GUCY1A2: variants seen among roughly 807,000 people sequenced by gnomAD.
GUCY1A2 encodes the protein guanylate cyclase soluble subunit alpha-2.
A neutral mutation model predicts 63.5 loss-of-function variants in GUCY1A2; 27 were observed. The ratio of observed to expected loss-of-function variants is 0.43; its 90% CI spans 0.31 to 0.59. The LOEUF is 0.59. GUCY1A2 is among the 20% of genes least tolerant of loss of function. The pLI is 0.11. For missense variants in GUCY1A2, 768 were observed against 913.3 expected, an observed-to-expected ratio of 0.84 and a Z score of 2.05; for synonymous variants, 364 against 343.5, an observed-to-expected ratio of 1.06 and a Z score of -0.66.
intron 5 of GUCY1A2, among the ~76,000 whole-genome samples, chr11:106,791,609 A>G (rs1864661784): frequency 6.6e-6 from 1 of 152,182 alleles, no homozygotes; most frequent in African/African-American, 2.4e-5. Flanking sequence ...AAAGGAGACC[A>G]TCTTAACCCA....
At chr11:106,700,372 G>T (rs1862798258) in intron 7 of GUCY1A2, among the ~76,000 whole-genome samples, 2 of 152,104 alleles carry the variant, frequency 1.3e-5, no homozygotes, top group Non-Finnish European at 2.9e-5. Flanking sequence ...GAAGGCATCA[G>T]ATTCCTGATC....
At chr11:106,930,291 A>G (rs534734957) in intron 4 of GUCY1A2, among the ~76,000 whole-genome samples, 10 of 152,368 alleles carry the variant, frequency 6.6e-5, no homozygotes, top group Admixed American at 5.2e-4. Context: ...CAGCTAGTAA[A>G]TAACAGTCTG....
intron 4 of GUCY1A2, among the ~76,000 whole-genome samples, chr11:106,916,071 G>A (rs984493566): frequency 6.9e-6 from 1 of 145,714 alleles, no homozygotes; most frequent in Admixed American, 6.8e-5. Flanking sequence ...ACTAATTTGT[G>A]ACTCTGATTA....
intron 4 of GUCY1A2, among the ~76,000 whole-genome samples, chr11:106,935,874 T>TA (rs540262693): frequency 8.1e-5 from 12 of 148,488 alleles, no homozygotes; most frequent in Admixed American, 2.0e-4. Context: ...AAAAAAAAAT[T>TA]AAAAAAAAAA....
chr11:106,825,964 T>C (rs977103250), intron 4 of GUCY1A2, among the ~76,000 whole-genome samples: 4 of 152,126 alleles, frequency 2.6e-5, no homozygotes, highest in Non-Finnish European at 4.4e-5. Flanking sequence ...AAACGAGATA[T>C]TGCTACATCT....
chr11:107,015,321 A>C (rs888929000), intron 1 of GUCY1A2, among the ~76,000 whole-genome samples: 1 of 152,162 alleles, frequency 6.6e-6, no homozygotes, highest in Non-Finnish European at 1.5e-5. Flanking sequence ...TAAATTGCTT[A>C]TTCTGAAAAC....
At chr11:106,695,981 G>A (rs1348100659) in intron 7 of GUCY1A2, among the ~76,000 whole-genome samples, 2 of 152,020 alleles carry the variant, frequency 1.3e-5, no homozygotes, top group African/African-American at 2.4e-5. Flanking sequence ...GCACTTCAGC[G>A]ACACCCCTGC....
chr11:106,999,623 C>T (rs183991786), intron 1 of GUCY1A2, among the ~76,000 whole-genome samples: 89 of 152,258 alleles, frequency 5.8e-4, no homozygotes, highest in Non-Finnish European at 3.4e-4. Context: ...TATAGTTATA[C>T]AATTGGTAAT....
chr11:106,892,162 A>T (rs1467278116), intron 4 of GUCY1A2, among the ~76,000 whole-genome samples: 1 of 152,076 alleles, frequency 6.6e-6, no homozygotes, highest in Non-Finnish European at 1.5e-5. Context: ...TGCTATTGTA[A>T]ATGGCATTTT....
chr11:106,982,671 A>G (rs960646078), intron 2 of GUCY1A2, among the ~76,000 whole-genome samples: 2 of 152,200 alleles, frequency 1.3e-5, no homozygotes, highest in African/African-American at 4.8e-5. Flanking sequence ...ATATGTATAT[A>G]AAGAATAAGC....
At chr11:106,984,263 C>T (rs1460854567) in intron 2 of GUCY1A2, among the ~76,000 whole-genome samples, 1 of 152,180 alleles carries the variant, frequency 6.6e-6, no homozygotes, top group Non-Finnish European at 1.5e-5. Flanking sequence ...TCATGCCAGA[C>T]ATCAAGACCC....
intron 4 of GUCY1A2, chr11:106,825,049 CAT>C (rs1475184572): frequency 1.7e-6 from 2 of 1,169,562 alleles, no homozygotes; most frequent in African/African-American, 3.1e-5. Flanking sequence ...AAAAGAATTT[CAT>C]AGATATTTTA....
At position 106,808,313 on chromosome 11, in the gene GUCY1A2, GTTGA is replaced by G. The variant is rs1397433162; in HGVS notation, c.1692+1676_1692+1679del. Among the ~76,000 whole-genome samples, 11 of 152,086 alleles carry G rather than the reference GTTGA, an allele frequency of 7.2e-5. No individual in the cohort carries two copies. The East Asian group carries it at 7.7e-4, about 11-fold the overall frequency. On this transcript the variant is annotated intron_variant, in intron 5 of 7. Transcript: ENST00000526355. ...ATAAACATTTTGTAAGTTAAAACTT[GTTGA>G]TTATTATTCATGACTATATGAAACT... is the stretch of plus-strand genomic sequence containing the variant.
chr11:106,965,331 A>C (rs939384149), intron 3 of GUCY1A2, among the ~76,000 whole-genome samples: 3 of 152,210 alleles, frequency 2.0e-5, no homozygotes, highest in African/African-American at 7.2e-5. Context: ...GACTTTAGCA[A>C]GGTACAAAAT....
intron 4 of GUCY1A2, among the ~76,000 whole-genome samples, chr11:106,881,191 C>T (rs913256503): frequency 2.0e-5 from 3 of 151,982 alleles, no homozygotes; most frequent in South Asian, 4.1e-4. Flanking sequence ...GTTGGAAGTC[C>T]GTCCTATAAT....
chr11:106,767,317 GCA>G (rs369556723), intron 6 of GUCY1A2, among the ~76,000 whole-genome samples: 836 of 152,186 alleles, frequency 5.5e-3, no homozygotes, highest in Non-Finnish European at 7.4e-3. Flanking sequence ...TGCTTTGCAT[GCA>G]CAGTTTCATG....
chr11:106,716,497 T>G (rs1188383699), intron 6 of GUCY1A2, among the ~76,000 whole-genome samples: 1 of 152,116 alleles, frequency 6.6e-6, no homozygotes, highest in Non-Finnish European at 1.5e-5. Flanking sequence ...GTGATTTTCT[T>G]TAGGCAATTC....
At chr11:106,749,352 G>A (rs917524958) in intron 6 of GUCY1A2, among the ~76,000 whole-genome samples, 3 of 151,988 alleles carry the variant, frequency 2.0e-5, no homozygotes, top group African/African-American at 7.2e-5. Flanking sequence ...ATTGTTTTTG[G>A]TGCTATTTGG....
chr11:106,925,765 A>G (rs1360748460), intron 4 of GUCY1A2, among the ~76,000 whole-genome samples: 2 of 152,236 alleles, frequency 1.3e-5, no homozygotes, highest in Non-Finnish European at 2.9e-5. Flanking sequence ...GAAACTTACA[A>G]TATGCTAAAA....
Sources: gnomAD v4.1 joint callset for allele counts (sites outside exome capture counted in the v4.1 genomes callset) on GRCh38, gnomAD v4.1.1 for gene constraint, MANE v1.5 for transcripts, NCBI Gene and HGNC (gene_info 2026-07-23, HGNC 2026-07-21) for gene names.